FHOD3: variants seen among roughly 807,000 people sequenced by gnomAD.
FHOD3 encodes formin homology 2 domain containing 3, also known as FH1/FH2 domain-containing protein 3.
FHOD3 carries 90 observed loss-of-function variants against 173.0 expected under a neutral mutation model. The observed-to-expected ratio is 0.52, with a 90% CI of 0.44 to 0.62. The LOEUF (loss-of-function observed/expected upper bound fraction) is 0.62. Among genes scored for constraint, FHOD3 ranks in the 20% least tolerant of loss-of-function variants. The pLI is 0.00. For synonymous variants in FHOD3, 828 were observed against 823.0 expected (o/e 1.01, Z -0.10); for missense variants, 1,945 against 2,034.7 (o/e 0.96, Z 0.85).
At chr18:36,744,897 C>T (rs1317462060) in intron 23 of FHOD3, among the ~76,000 whole-genome samples, 1 of 152,138 alleles carries the variant, frequency 6.6e-6, no homozygotes, top group African/African-American at 2.4e-5. Flanking sequence ...CTTAGGAGCA[C>T]AGGAAACTCG....
At chr18:36,596,764 C>T (rs1453000655) in intron 7 of FHOD3, among the ~76,000 whole-genome samples, 1 of 152,046 alleles carries the variant, frequency 6.6e-6, no homozygotes, top group Non-Finnish European at 1.5e-5. Flanking sequence ...GAAGGTGTTT[C>T]CCAGGCTGAG....
At chr18:36,687,975 G>A (rs1468964194) in intron 16 of FHOD3, among the ~76,000 whole-genome samples, 4 of 152,164 alleles carry the variant, frequency 2.6e-5, no homozygotes, top group Admixed American at 2.0e-4. Context: ...TAAGAAGTAT[G>A]TTATTAAAAT....
intron 1 of FHOD3, among the ~76,000 whole-genome samples, chr18:36,306,253 C>T (rs1375880039): frequency 6.6e-6 from 1 of 152,060 alleles, no homozygotes; most frequent in African/African-American, 2.4e-5. Context: ...GGGCTCGGAG[C>T]ACAGTCTACA....
intron 4 of FHOD3, among the ~76,000 whole-genome samples, chr18:36,503,027 A>C (rs1276402060): frequency 1.3e-5 from 2 of 152,190 alleles, no homozygotes; most frequent in African/African-American, 2.4e-5. Context: ...TTGCTGTTAT[A>C]AACCATGCTA....
chr18:36,383,485 A>G (rs2047890599), intron 3 of FHOD3, among the ~76,000 whole-genome samples: 1 of 152,204 alleles, frequency 6.6e-6, no homozygotes, highest in South Asian at 2.1e-4. Flanking sequence ...CTAGATTCAA[A>G]TAGGGTTGGG....
At chr18:36,721,684 G>A (rs1265336103) in intron 19 of FHOD3, among the ~76,000 whole-genome samples, 1 of 152,140 alleles carries the variant, frequency 6.6e-6, no homozygotes, top group African/African-American at 2.4e-5. Context: ...CATTACACTG[G>A]AGAGCTGAAT....
intron 18 of FHOD3, chr18:36,710,313 G>A (rs1349408526): frequency 6.6e-6 from 1 of 152,110 alleles, no homozygotes; most frequent in African/African-American, 2.4e-5. Flanking sequence ...ATGTCTTATG[G>A]GCCAGCCTTT....
intron 5 of FHOD3, among the ~76,000 whole-genome samples, chr18:36,552,799 A>G (rs1329537712): frequency 2.0e-5 from 3 of 152,072 alleles, no homozygotes; most frequent in Non-Finnish European, 4.4e-5. Flanking sequence ...CGCCCGGCCA[A>G]TACCCTTTAT....
At chr18:36,702,026 G>A (rs2149586633) in intron 17 of FHOD3, among the ~76,000 whole-genome samples, 1 of 152,326 alleles carries the variant, frequency 6.6e-6, no homozygotes, top group East Asian at 1.9e-4. Context: ...TCAGTATTTT[G>A]CAAGTGATAA....
chr18:36,310,072 G>T (rs2092216114), intron 1 of FHOD3, among the ~76,000 whole-genome samples: 1 of 152,214 alleles, frequency 6.6e-6, no homozygotes, highest in Non-Finnish European at 1.5e-5. Flanking sequence ...ATCTGTCAGA[G>T]ATAAACCTGA....
At chr18:36,697,281 C>G (rs1453552433) in intron 17 of FHOD3, among the ~76,000 whole-genome samples, 1 of 152,174 alleles carries the variant, frequency 6.6e-6, no homozygotes, top group African/African-American at 2.4e-5. Context: ...AAGCTGCCTT[C>G]TCTAGAGAGC....
At chr18:36,450,472 TTTATTTA>T (rs1568287511) in intron 3 of FHOD3, among the ~76,000 whole-genome samples, 6 of 121,824 alleles carry the variant, frequency 4.9e-5, no homozygotes, top group African/African-American at 3.0e-4. Context: ...TATTTATTTA[TTTATTTA>T]TTTATTTAAT....
chr18:36,629,104 G>A (rs1220435071), intron 10 of FHOD3, among the ~76,000 whole-genome samples: 2 of 152,230 alleles, frequency 1.3e-5, no homozygotes, highest in Non-Finnish European at 2.9e-5. Context: ...CTGGCAGATA[G>A]TGGATGTTGA....
chr18:36,483,645 A>G (rs2054045425), intron 3 of FHOD3, among the ~76,000 whole-genome samples: 1 of 152,136 alleles, frequency 6.6e-6, no homozygotes, highest in Non-Finnish European at 1.5e-5. Flanking sequence ...TTTTATATTA[A>G]CCCATTTTTC....
At chr18:36,399,440 G>A (rs1020078662) in intron 3 of FHOD3, among the ~76,000 whole-genome samples, 1 of 152,226 alleles carries the variant, frequency 6.6e-6, no homozygotes, top group East Asian at 1.9e-4. Flanking sequence ...TCCACACACA[G>A]ATGTTATATG....
intron 3 of FHOD3, among the ~76,000 whole-genome samples, chr18:36,499,730 A>G (rs1207937266): frequency 1.3e-5 from 2 of 152,150 alleles, no homozygotes; most frequent in Non-Finnish European, 2.9e-5. Flanking sequence ...TCAGCCTGAG[A>G]GTCACCAGGG....
At chr18:36,450,074 C>G (rs1169140331) in intron 3 of FHOD3, among the ~76,000 whole-genome samples, 1 of 152,116 alleles carries the variant, frequency 6.6e-6, no homozygotes, top group Non-Finnish European at 1.5e-5. Flanking sequence ...TCACCCCGCT[C>G]CCACCCTTTC....
At chr18:36,751,656 T>C (rs1013912212) in intron 24 of FHOD3, among the ~76,000 whole-genome samples, 1 of 152,220 alleles carries the variant, frequency 6.6e-6, no homozygotes, top group Non-Finnish European at 1.5e-5. Context: ...GTTCCTTCAA[T>C]ACCTAGTTTA....
At chr18:36,516,486 A>C (rs2055984946) in intron 5 of FHOD3, among the ~76,000 whole-genome samples, 1 of 152,196 alleles carries the variant, frequency 6.6e-6, no homozygotes, top group Non-Finnish European at 1.5e-5. Flanking sequence ...GCCTGTGTAT[A>C]GTAGCCCAAG....
Sources: allele counts gnomAD v4.1 joint callset (sites outside exome capture counted in the v4.1 genomes callset), GRCh38; gene constraint gnomAD v4.1.1; transcripts MANE v1.5; gene names NCBI Gene and HGNC (gene_info 2026-07-23, HGNC 2026-07-21).